Variants in TENM4 observed in about 807,000 individuals in gnomAD.
TENM4 encodes the protein teneurin-4.
In TENM4, 82 loss-of-function variants were observed where a neutral mutation model predicts 243.3. The observed-to-expected ratio is 0.34, with a 90% CI of 0.28 to 0.40. The LOEUF is 0.40. TENM4 is among the 10% of genes least tolerant of loss of function. The probability of loss-of-function intolerance (pLI) is 1.00; values close to 1 mark genes in which losing one functional copy is unlikely to be tolerated. For synonymous variants in TENM4, 1,412 were observed against 1,456.3 expected (o/e 0.97, Z 0.69); for missense variants, 3,138 against 3,673.3 (o/e 0.85, Z 3.77).
Position 78,670,343 on chromosome 11 carries a change from G to T in TENM4, c.6002C>A (p.Thr2001Asn). The change falls in exon 32 of 34, where the codon ACC (threonine) becomes AAC (asparagine). Residue 2001 changes from threonine to asparagine, a missense_variant. This residue lies in a region of TENM4 where 2,467 missense variants were observed against 3,059.1 expected (regional missense o/e 0.81). Transcript: ENST00000278550. ...CCTGCGGCCAGTGCCCAGGTAGAAG[G>T]TGTGAAGGAGGTGCCCATCCTCAGT... ...DFTEDGHLLH[T>N]FYLGTGRRVI... 3 of 1,613,954 alleles carry T rather than the reference G, an allele frequency of 1.9e-6. No homozygotes were observed. The highest frequency in any genetic ancestry group is 2.5e-6 in the Non-Finnish European group (3 of 1,179,862).
chr11:78,692,986 C>G (rs1051564636), intron 28 of TENM4, among the ~76,000 whole-genome samples: 6 of 151,878 alleles, frequency 4.0e-5, no homozygotes, highest in African/African-American at 1.5e-4. Context: ...TTTATTTGTT[C>G]TTTGTTTTCT....
chr11:79,365,172 G>T (rs1227184278), intron 1 of TENM4, among the ~76,000 whole-genome samples: 1 of 152,162 alleles, frequency 6.6e-6, no homozygotes, highest in South Asian at 2.1e-4. Flanking sequence ...GCCCCAAGAG[G>T]CTTTGAGCTG....
At chr11:79,218,908 C>T (rs1381337726) in intron 2 of TENM4, among the ~76,000 whole-genome samples, 1 of 152,194 alleles carries the variant, frequency 6.6e-6, no homozygotes, top group African/African-American at 2.4e-5. Flanking sequence ...TTCACTCATT[C>T]ATTCATATAC....
intron 24 of TENM4, 37 bp from the exon 25 acceptor site, chr11:78,720,427 A>C: frequency 6.2e-7 from 1 of 1,613,206 alleles, no homozygotes; most frequent in Admixed American, 1.7e-5. Flanking sequence ...TAGAAGAAAG[A>C]ATGAGGTGTT....
At chr11:79,154,897 T>C (rs1219186877) in intron 3 of TENM4, among the ~76,000 whole-genome samples, 1 of 152,196 alleles carries the variant, frequency 6.6e-6, no homozygotes, top group Non-Finnish European at 1.5e-5. Flanking sequence ...AGTAGACCCT[T>C]ACCTATTTTG....
intron 18 of TENM4, among the ~76,000 whole-genome samples, chr11:78,760,808 T>A (rs1158253299): frequency 6.6e-6 from 1 of 152,242 alleles, no homozygotes; most frequent in African/African-American, 2.4e-5. Context: ...AATTTCCATC[T>A]TTTTATCCGC....
chr11:79,345,494 AC>A (rs1449642342), intron 1 of TENM4, among the ~76,000 whole-genome samples: 2 of 152,200 alleles, frequency 1.3e-5, no homozygotes, highest in Non-Finnish European at 2.9e-5. Context: ...AATCTCTATA[AC>A]AAGCGAAATA....
At chr11:79,340,963 C>G (rs1338110769) in intron 1 of TENM4, among the ~76,000 whole-genome samples, 2 of 152,016 alleles carry the variant, frequency 1.3e-5, no homozygotes, top group African/African-American at 4.8e-5. Flanking sequence ...CCAGGTGGGC[C>G]CAGTGTAATT....
intron 1 of TENM4, among the ~76,000 whole-genome samples, chr11:79,356,604 A>G (rs1565312884): frequency 1.3e-5 from 2 of 152,174 alleles, no homozygotes; most frequent in African/African-American, 2.4e-5. Context: ...TAGCCCTGTA[A>G]TATCTATCTA....
intron 2 of TENM4, among the ~76,000 whole-genome samples, chr11:79,249,889 T>C (rs1026318430): frequency 1.3e-5 from 2 of 152,230 alleles, no homozygotes; most frequent in Non-Finnish European, 2.9e-5. Context: ...GAACAGGCAA[T>C]TTCTATGAGC....
At chr11:78,800,846 G>C (rs73498541) in intron 15 of TENM4, among the ~76,000 whole-genome samples, 1 of 151,952 alleles carries the variant, frequency 6.6e-6, no homozygotes, top group Non-Finnish European at 1.5e-5. Flanking sequence ...TCTGGACTCC[G>C]CCACTTATGA....
chr11:78,800,429 G>A (rs953219682), intron 15 of TENM4, among the ~76,000 whole-genome samples: 2 of 152,178 alleles, frequency 1.3e-5, no homozygotes, highest in Non-Finnish European at 2.9e-5. Flanking sequence ...CAGACAAGGA[G>A]CACAGAGATT....
At chr11:78,943,153 G>A (rs980231949) in intron 6 of TENM4, among the ~76,000 whole-genome samples, 24 of 152,236 alleles carry the variant, frequency 1.6e-4, no homozygotes, top group African/African-American at 5.8e-4. Flanking sequence ...GACAAGACGT[G>A]CTGAGTTTGC....
chr11:78,896,612 C>T (rs1415328306), intron 7 of TENM4, among the ~76,000 whole-genome samples: 1 of 152,062 alleles, frequency 6.6e-6, no homozygotes, highest in African/African-American at 2.4e-5. Context: ...CAACTACTTG[C>T]CATCTCTCCA....
intron 6 of TENM4, among the ~76,000 whole-genome samples, chr11:78,982,795 T>A (rs1857830820): frequency 6.6e-6 from 1 of 152,244 alleles, no homozygotes; most frequent in East Asian, 1.9e-4. Context: ...CAGTGCCCAT[T>A]AGTGCTAAAT....
chr11:79,296,892 C>G (rs939997892), intron 2 of TENM4, among the ~76,000 whole-genome samples: 2 of 152,180 alleles, frequency 1.3e-5, no homozygotes, highest in Non-Finnish European at 2.9e-5. Context: ...TGGAGGAACT[C>G]ACTGATTGGG....
At chr11:78,926,082 T>C (rs925317279) in intron 6 of TENM4, among the ~76,000 whole-genome samples, 1 of 151,838 alleles carries the variant, frequency 6.6e-6, no homozygotes, top group Non-Finnish European at 1.5e-5. Context: ...AGAGAGAAGG[T>C]AGTGTGGGAA....
intron 6 of TENM4, among the ~76,000 whole-genome samples, chr11:79,025,096 G>A (rs1859040119): frequency 6.6e-6 from 1 of 152,180 alleles, no homozygotes; most frequent in African/African-American, 2.4e-5. Flanking sequence ...AAGGGATGGG[G>A]AGACTCTTCC....
chr11:78,661,710 G>A lies in TENM4; in HGVS notation c.7409-119C>T, dbSNP rs1858034663. ...GTGGTGAGGGTGTGGATTGCTGCTG[G>A]TGGGAGAGTCAACTGCTACATACAC... On this transcript the variant is annotated intron_variant, in intron 32 of 33. Coordinates refer to ENST00000278550, the MANE Select transcript of TENM4 (RefSeq NM_001098816.3). The A allele has an allele frequency of 3.8e-6, 5 of 1,307,554 alleles. No homozygotes were observed. The Admixed American group carries it at 8.6e-5, about 22-fold the overall frequency. 81.0% of individuals were successfully genotyped at this position (1,307,554 alleles called of 1,614,324 possible). A position where few individuals can be genotyped will look rare whatever the true frequency, so the allele number is the denominator to read the frequency against.
Sources: allele counts gnomAD v4.1 joint callset (sites outside exome capture counted in the v4.1 genomes callset), GRCh38; gene constraint gnomAD v4.1.1; regional missense constraint gnomAD v4.1.1; transcripts MANE v1.5; gene names NCBI Gene and HGNC (gene_info 2026-07-23, HGNC 2026-07-21).